The following PPP2R2B variants were observed in gnomAD, a reference collection of about 807,000 sequenced individuals.
PPP2R2B encodes the protein serine/threonine-protein phosphatase 2A 55 kDa regulatory subunit B beta isoform.
Under a neutral mutation model 46.0 loss-of-function variants are expected in PPP2R2B, and 5 were observed. The ratio of observed to expected loss-of-function variants is 0.11; its 90% CI spans 0.06 to 0.23. PPP2R2B has a LOEUF of 0.23. Among genes scored for constraint, PPP2R2B ranks in the 10% least tolerant of loss-of-function variants. The pLI, the probability that PPP2R2B is intolerant of heterozygous loss-of-function variation, is 1.00. For synonymous variants in PPP2R2B, 215 were observed against 206.7 expected (o/e 1.04, Z -0.34); for missense variants, 367 against 575.0 (o/e 0.64, Z 3.70).
chr5:146,719,745 TTTATTAAC>T (rs1780687385), intron 2 of PPP2R2B, among the ~76,000 whole-genome samples: 1 of 144,434 alleles, frequency 6.9e-6, no homozygotes, highest in Admixed American at 6.8e-5. Context: ...TTTGGACTAG[TTTATTAAC>T]ATTGCAGTAT....
intron 5 of PPP2R2B, among the ~76,000 whole-genome samples, chr5:146,660,404 A>G (rs1327824579): frequency 2.6e-5 from 4 of 152,188 alleles, no homozygotes; most frequent in Admixed American, 2.6e-4. Context: ...TTCTATAGAT[A>G]TATTTCTCCT....
At chr5:146,981,276 G>A (rs55656252) in intron 1 of PPP2R2B, among the ~76,000 whole-genome samples, 72 of 152,256 alleles carry the variant, frequency 4.7e-4, no homozygotes, top group Non-Finnish European at 8.8e-4. Flanking sequence ...CTTTTAGGGA[G>A]AGTCTTGGGT....
rs1770240603 is a variant in PPP2R2B at position 146,587,766 on chromosome 5, A to T, written c.*2181T>A. ...GATTAATGTTAGGGAAAAACCTAGC[A>T]TATCAGAGTTGAAATTTCATGCATA... On this transcript the variant is annotated 3_prime_UTR_variant, in exon 10 of 10. Transcript: ENST00000394411. 2 of 152,210 alleles carry T rather than the reference A, an allele frequency of 1.3e-5. No individual in the cohort carries two copies. Among genetic ancestry groups the T allele is most frequent in the African/African-American group, 4.8e-5 (2 of 41,456 alleles). 9.4% of individuals were successfully genotyped at this position (152,210 alleles called of 1,614,324 possible). A position where few individuals can be genotyped will look rare whatever the true frequency, so the allele number is the denominator to read the frequency against.
chr5:147,022,557 CAA>C lies in PPP2R2B; in HGVS notation c.79+33106_79+33107del, dbSNP rs35755206. 9.3e-3 allele frequency among the ~76,000 whole-genome samples: 1,373 copies of C among 147,218 alleles called. 61 individuals carry two copies. In the East Asian group the frequency reaches 0.14, roughly 15 times the overall value. On this transcript the variant is annotated intron_variant, in intron 1 of 8. Coordinates refer to the PPP2R2B transcript ENST00000336640. ...CCTGGTGACAGAGCAAGGCTCCATC[CAA>C]AAAAAAAAATCCAAATTTAATAAGA...
intron 1 of PPP2R2B, among the ~76,000 whole-genome samples, chr5:146,930,703 C>A (rs1444994572): frequency 6.6e-6 from 1 of 152,196 alleles, no homozygotes; most frequent in Non-Finnish European, 1.5e-5. Flanking sequence ...GAAGAAAAAG[C>A]TTGTACCTGG....
At chr5:146,648,888 A>G (rs781686724) in intron 6 of PPP2R2B, among the ~76,000 whole-genome samples, 6 of 152,228 alleles carry the variant, frequency 3.9e-5, no homozygotes, top group African/African-American at 7.2e-5. Flanking sequence ...AAGACTGGAT[A>G]ACAAAGATGG....
At chr5:147,006,692 T>C (rs1754455292) in intron 1 of PPP2R2B, among the ~76,000 whole-genome samples, 1 of 152,174 alleles carries the variant, frequency 6.6e-6, no homozygotes, top group Non-Finnish European at 1.5e-5. Flanking sequence ...ATAGACTCTT[T>C]GGCAGCAGTG....
chr5:147,024,291 T>C (rs547426819), intron 1 of PPP2R2B, among the ~76,000 whole-genome samples: 1 of 152,164 alleles, frequency 6.6e-6, no homozygotes, highest in African/African-American at 2.4e-5. Context: ...TAAATGCAGA[T>C]TGGCCCTATA....
chr5:146,600,579 G>A, intron 7 of PPP2R2B, 119 bp from the exon 8 acceptor site: 1 of 970,376 alleles, frequency 1.0e-6, no homozygotes, highest in Non-Finnish European at 1.5e-6. Context: ...GCTGGTGTCT[G>A]CAGAATGTAA....
chr5:146,631,650 C>T (rs1581754465), intron 7 of PPP2R2B, among the ~76,000 whole-genome samples: 1 of 152,156 alleles, frequency 6.6e-6, no homozygotes, highest in Admixed American at 6.5e-5. Context: ...TACCTCAATG[C>T]CTCTAAAATC....
intron 2 of PPP2R2B, among the ~76,000 whole-genome samples, chr5:146,857,156 T>C (rs1159478984): frequency 1.3e-5 from 2 of 152,122 alleles, no homozygotes; most frequent in Non-Finnish European, 2.9e-5. Flanking sequence ...TGAAAGAGAA[T>C]GCTCTGGTGC....
intron 2 of PPP2R2B, among the ~76,000 whole-genome samples, chr5:146,792,943 C>T (rs531707446): frequency 2.5e-4 from 38 of 152,166 alleles, no homozygotes; most frequent in African/African-American, 8.2e-4. Context: ...ATGATCTGAC[C>T]TAATTTTTTA....
intron 1 of PPP2R2B, among the ~76,000 whole-genome samples, chr5:147,046,848 G>C (rs10066367): frequency 0.034 from 5,228 of 152,132 alleles, 288 homozygotes; most frequent in African/African-American, 0.12. Context: ...TATTAAACTT[G>C]AGTCTGCGTC....
intron 3 of PPP2R2B, among the ~76,000 whole-genome samples, chr5:146,699,591 A>T (rs1053466953): frequency 6.6e-6 from 1 of 151,504 alleles, no homozygotes; most frequent in African/African-American, 2.4e-5. Flanking sequence ...TACTGGCAAC[A>T]TGCTGCCTTG....
chr5:146,681,320 C>T (rs934757714), intron 5 of PPP2R2B, among the ~76,000 whole-genome samples: 23 of 152,076 alleles, frequency 1.5e-4, no homozygotes, highest in Admixed American at 1.2e-3. Context: ...AAAGTCAGCT[C>T]TTTACTTTGT....
intron 1 of PPP2R2B, among the ~76,000 whole-genome samples, chr5:147,006,188 T>C (rs1487735697): frequency 1.3e-5 from 2 of 152,170 alleles, no homozygotes; most frequent in Non-Finnish European, 2.9e-5. Flanking sequence ...CAATAAGTGA[T>C]AAGGAAACTC....
intron 4 of PPP2R2B, among the ~76,000 whole-genome samples, chr5:146,697,450 G>A (rs1466924256): frequency 6.6e-6 from 1 of 152,124 alleles, no homozygotes; most frequent in Non-Finnish European, 1.5e-5. Flanking sequence ...AAGTATGGAG[G>A]GAGATAGGAA....
intron 3 of PPP2R2B, among the ~76,000 whole-genome samples, chr5:146,700,723 C>T (rs1244354178): frequency 6.6e-6 from 1 of 152,120 alleles, no homozygotes; most frequent in Non-Finnish European, 1.5e-5. Flanking sequence ...ATTTCAATGG[C>T]TCTATGACAG....
intron 1 of PPP2R2B, among the ~76,000 whole-genome samples, chr5:146,959,437 G>T (rs541259197): frequency 1.1e-4 from 16 of 152,256 alleles, no homozygotes; most frequent in Non-Finnish European, 2.1e-4. Context: ...TTAATTGGGA[G>T]CTCCATGAAG....
Sources: gnomAD v4.1 joint callset for allele counts (sites outside exome capture counted in the v4.1 genomes callset) on GRCh38, gnomAD v4.1.1 for gene constraint, MANE v1.5 for transcripts, NCBI Gene and HGNC (gene_info 2026-07-23, HGNC 2026-07-21) for gene names.